The following WDR27 variants were observed in gnomAD, a reference collection of about 807,000 sequenced individuals.
WDR27 encodes the protein WD repeat-containing protein 27.
A neutral mutation model predicts 114.4 loss-of-function variants in WDR27; 100 were observed. The ratio of observed to expected loss-of-function variants is 0.87; its 90% CI spans 0.74 to 1.03. WDR27 has a LOEUF of 1.03. Among genes scored for constraint, WDR27 ranks in the 50% least tolerant of loss-of-function variants. The probability of loss-of-function intolerance (pLI) is 0.00; values close to 1 mark genes in which losing one functional copy is unlikely to be tolerated. For missense variants in WDR27, 1,129 were observed against 1,092.9 expected (o/e 1.03, Z -0.47); for synonymous variants, 449 against 423.1 (o/e 1.06, Z -0.75).
intron 25 of WDR27, among the ~76,000 whole-genome samples, chr6:169,515,308 C>A (rs912933759): frequency 6.6e-6 from 1 of 151,978 alleles, no homozygotes; most frequent in East Asian, 1.9e-4. Flanking sequence ...GTGTGCTATT[C>A]GTAGCAAGTT....
the WDR27 span, among the ~76,000 whole-genome samples, chr6:169,450,368 C>G: frequency 1.3e-5 from 2 of 152,172 alleles, no homozygotes; most frequent in Non-Finnish European, 2.9e-5. Context: ...AAGTGCCAGA[C>G]GGAGCCTGGA....
downstream of WDR27, among the ~76,000 whole-genome samples, chr6:169,455,310 A>G (rs994507244): frequency 5.3e-5 from 8 of 152,204 alleles, no homozygotes; most frequent in Admixed American, 1.3e-4. Flanking sequence ...AAGAATAACA[A>G]CAATGCCTAT....
chr6:169,672,495 T>C, intron 2 of WDR27, 99 bp from the exon 3 acceptor site: 1 of 1,192,170 alleles, frequency 8.4e-7, no homozygotes, highest in South Asian at 1.7e-5. Flanking sequence ...GATTGAGTTT[T>C]TCAAATACAT....
chr6:169,455,001 T>C (rs1157987580), downstream of WDR27, among the ~76,000 whole-genome samples: 1 of 152,240 alleles, frequency 6.6e-6, no homozygotes, highest in Admixed American at 6.5e-5. Flanking sequence ...GACTGCGGGC[T>C]CTGGTACCAG....
At position 169,638,605 on chromosome 6, in the gene WDR27, G is replaced by C. The variant is rs377397212; in HGVS notation, c.1803C>G (p.Leu601=). 6 of 1,608,746 alleles carry C rather than the reference G, an allele frequency of 3.7e-6. No individual in the cohort carries two copies. The African/African-American group carries it at 5.3e-5, about 14-fold the overall frequency. ...VCWSQDRRWL[L]SAARDGTLRM... is the part of the protein sequence containing the mutation. ...GCAGGGTCCCGTCCCGGGCCGCAGA[G>C]AGCAGCCACCTCCGGTCCTGGCTCC... The change falls in exon 18 of 26, where the codon CTC becomes CTG. Residue 601 remains leucine (L), a synonymous_variant. Transcript: ENST00000448612.
chr6:169,665,394 A>C, intron 7 of WDR27, 92 bp downstream of exon 7: 1 of 1,499,102 alleles, frequency 6.7e-7, no homozygotes, highest in Non-Finnish European at 8.9e-7. Flanking sequence ...ATCGCAGGAA[A>C]ATACAAAGTA....
At chr6:169,538,086 G>A (rs1731545034) in intron 25 of WDR27, among the ~76,000 whole-genome samples, 1 of 152,068 alleles carries the variant, frequency 6.6e-6, no homozygotes, top group African/African-American at 2.4e-5. Context: ...GACAACTGGG[G>A]CAGCTAGGCT....
chr6:169,634,086 G>A (rs779909322), intron 20 of WDR27, among the ~76,000 whole-genome samples: 12 of 152,102 alleles, frequency 7.9e-5, no homozygotes, highest in African/African-American at 2.2e-4. Flanking sequence ...AACAGCAACC[G>A]CTATGATTTT....
At chr6:169,534,149 A>G (rs757487641) in intron 25 of WDR27, among the ~76,000 whole-genome samples, 7 of 152,176 alleles carry the variant, frequency 4.6e-5, no homozygotes, top group Non-Finnish European at 7.3e-5. Flanking sequence ...TGTATGTGAT[A>G]TGATTGTGTG....
In WDR27 at chr6:169,672,387, G is replaced by T; in HGVS notation, c.199C>A (p.Leu67Ile). Residue 67 changes from leucine (L) to isoleucine (I), a missense_variant, in exon 3 of 26, where the codon CTA (leucine) becomes ATA (isoleucine). Transcript: ENST00000448612. ...TKDPSHQLLI[L>I]RGHHQPITAM... ...GTAATTGGCTGATGGTGTCCTCGTA[G>T]GATTAGAAGCTGGGAAAATTAACAA... The T allele has an allele frequency of 6.3e-7, 1 of 1,597,756 alleles. No individual in the cohort carries two copies. Among genetic ancestry groups the T allele is most frequent in the East Asian group, 2.2e-5 (1 of 44,706 alleles).
chr6:169,446,245 G>T, the WDR27 span, among the ~76,000 whole-genome samples: 1 of 152,294 alleles, frequency 6.6e-6, no homozygotes, highest in East Asian at 1.9e-4. Flanking sequence ...CCTGTTGAGG[G>T]TGGCATGTGA....
chr6:169,665,335 A>C (rs1415414187), intron 7 of WDR27, 151 bp downstream of exon 7: 2 of 1,415,262 alleles, frequency 1.4e-6, no homozygotes, highest in Non-Finnish European at 1.8e-6. Context: ...TGACGCTGAG[A>C]CCCACAGAAG....
intron 25 of WDR27, among the ~76,000 whole-genome samples, chr6:169,568,586 A>G (rs1240391142): frequency 2.0e-5 from 3 of 152,242 alleles, no homozygotes; most frequent in Non-Finnish European, 4.4e-5. Context: ...GCTGAAGAAG[A>G]GAACATAAAC....
At chr6:169,561,641 A>G (rs1799684102) in intron 25 of WDR27, among the ~76,000 whole-genome samples, 1 of 151,870 alleles carries the variant, frequency 6.6e-6, no homozygotes, top group Non-Finnish European at 1.5e-5. Flanking sequence ...AAGAAAGCAC[A>G]AAAATAAAAA....
intron 23 of WDR27, among the ~76,000 whole-genome samples, chr6:169,590,803 T>TAG (rs1239777514): frequency 1.3e-5 from 2 of 152,240 alleles, no homozygotes; most frequent in African/African-American, 4.8e-5. Context: ...CAGTGGTAAA[T>TAG]ACCTGAGGCA....
intron 25 of WDR27, among the ~76,000 whole-genome samples, chr6:169,467,324 G>A (rs948927890): frequency 6.6e-6 from 1 of 152,204 alleles, no homozygotes; most frequent in Admixed American, 6.5e-5. Context: ...ACTAGGCAGT[G>A]CCCCAGTGGG....
At chr6:169,547,887 T>C (rs1322090721) in intron 25 of WDR27, among the ~76,000 whole-genome samples, 1 of 151,854 alleles carries the variant, frequency 6.6e-6, no homozygotes, top group Non-Finnish European at 1.5e-5. Flanking sequence ...GACATGATTG[T>C]CTACATAGAA....
At chr6:169,552,053 G>A (rs1018780218) in intron 25 of WDR27, among the ~76,000 whole-genome samples, 5 of 152,088 alleles carry the variant, frequency 3.3e-5, no homozygotes, top group African/African-American at 1.2e-4. Context: ...AGGCAACAGG[G>A]GTCTGGGCCC....
At chr6:169,449,676 G>C in the WDR27 span, among the ~76,000 whole-genome samples, 1 of 152,232 alleles carries the variant, frequency 6.6e-6, no homozygotes. Flanking sequence ...GAGAAAGAAG[G>C]ATAGGAGAGG....
Sources: gnomAD v4.1 joint callset for allele counts (sites outside exome capture counted in the v4.1 genomes callset) on GRCh38, gnomAD v4.1.1 for gene constraint, MANE v1.5 for transcripts, NCBI Gene and HGNC (gene_info 2026-07-23, HGNC 2026-07-21) for gene names.